The following RBFOX3 variants were observed in gnomAD, a reference collection of about 807,000 sequenced individuals.
The protein encoded by RBFOX3 is RNA binding protein fox-1 homolog 3.
A neutral mutation model predicts 48.7 loss-of-function variants in RBFOX3; 17 were observed. The observed-to-expected ratio is 0.35, with a 90% confidence interval of 0.24 to 0.52. RBFOX3 has a LOEUF of 0.52. RBFOX3 is among the 20% of genes least tolerant of loss of function. RBFOX3 has a pLI of 0.94. For missense variants in RBFOX3, 382 were observed against 497.5 expected, an observed-to-expected ratio of 0.77 and a Z score of 2.21; for synonymous variants, 212 against 209.5, an observed-to-expected ratio of 1.01 and a Z score of -0.10.
chr17:79,353,347 G>C (rs1169912819), intron 2 of RBFOX3, among the ~76,000 whole-genome samples: 2 of 152,102 alleles, frequency 1.3e-5, no homozygotes, highest in African/African-American at 4.8e-5. Flanking sequence ...AATGACTCTG[G>C]CCAGCTCCGT....
chr17:79,469,238 C>T (rs1383517015), intron 2 of RBFOX3, among the ~76,000 whole-genome samples: 1 of 152,154 alleles, frequency 6.6e-6, no homozygotes, highest in Non-Finnish European at 1.5e-5. Flanking sequence ...GCAGAGGAGC[C>T]AAGGACTCAA....
intron 2 of RBFOX3, among the ~76,000 whole-genome samples, chr17:79,395,192 T>C (rs551495985): frequency 1.2e-4 from 18 of 152,192 alleles, no homozygotes; most frequent in Admixed American, 2.0e-4. Flanking sequence ...TTTGTTTCAT[T>C]TGCAGCCACG....
chr17:79,318,878 A>G (rs1489778097), intron 2 of RBFOX3, among the ~76,000 whole-genome samples: 1 of 129,508 alleles, frequency 7.7e-6, no homozygotes, highest in East Asian at 2.1e-4. Flanking sequence ...AAAAAAAAAA[A>G]AAGGGATGGA....
At position 79,211,371 on chromosome 17, in the gene RBFOX3, G is replaced by A. The variant is rs574333698; in HGVS notation, c.-34+24395C>T. 2.8e-3 allele frequency among the ~76,000 whole-genome samples: 433 copies of A among 152,332 alleles called. 2 individuals are homozygous for A. The highest frequency in any genetic ancestry group is 4.9e-3 in the Non-Finnish European group (330 of 68,024). On this transcript the variant is annotated intron_variant, in intron 4 of 14. Coordinates refer to ENST00000693108, the MANE Select transcript of RBFOX3 (RefSeq NM_001350451.2). ...CAGCCTCCGGAACCATGAGCAGGAC[G>A]TTCCAGATCCGAGCTGCTGACAAGC... is the stretch of plus-strand genomic sequence containing the variant.
rs2058726714 is a variant in RBFOX3, at chr17:79,214,241, CACTT to C, written c.-34+21521_-34+21524del. Among the ~76,000 whole-genome samples the C allele has an allele frequency of 6.6e-6, 1 of 152,196 alleles. No individual in the cohort carries two copies. Among genetic ancestry groups the C allele is most frequent in the Non-Finnish European group, 1.5e-5 (1 of 68,040 alleles). ...TCTCCAGCAACGCACGGAGCTATCTCACTTACAACGTGAAAGTGGCTGTGTGTTG... is the reference window on the plus strand; with the variant it reads ...TCTCCAGCAACGCACGGAGCTATCTCACAACGTGAAAGTGGCTGTGTGTTG... On this transcript the variant is annotated intron_variant, in intron 4 of 14. Transcript: ENST00000693108. The surrounding 1 kb of genome is among the most constrained non-coding windows in gnomAD (Gnocchi z 4.7).
intron 4 of RBFOX3, among the ~76,000 whole-genome samples, chr17:79,229,751 T>C (rs1003249444): frequency 1.3e-5 from 2 of 151,994 alleles, no homozygotes; most frequent in African/African-American, 4.8e-5. Context: ...CCAGGGAAAT[T>C]CTCAGTGTGA....
At chr17:79,365,267 A>C (rs1322475327) in intron 2 of RBFOX3, among the ~76,000 whole-genome samples, 2 of 151,982 alleles carry the variant, frequency 1.3e-5, no homozygotes, top group African/African-American at 4.8e-5. Flanking sequence ...CAAAATATCC[A>C]CTCCAGCAGA....
chr17:79,095,597 G>A (rs916077633), intron 12 of RBFOX3, 23 bp from the exon 13 acceptor site: 3 of 1,548,006 alleles, frequency 1.9e-6, no homozygotes, highest in Middle Eastern at 1.7e-4. Flanking sequence ...TGGGAGGAGA[G>A]AGAGCAGAGG....
chr17:79,089,639 G>A lies in RBFOX3; in HGVS notation c.*1244C>T, dbSNP rs1019637816. On this transcript the variant is annotated 3_prime_UTR_variant, in exon 15 of 15. Coordinates refer to ENST00000693108, the MANE Select transcript of RBFOX3 (RefSeq NM_001350451.2). ...TAGCTGATGCTGAATAGAAAGTGAG[G>A]TGTATTTTTAAATTTTTGACACTTC... 6.6e-6 allele frequency: 1 copy of A among 152,540 alleles called. No homozygotes were observed. Among genetic ancestry groups the A allele is most frequent in the African/African-American group, 2.4e-5 (1 of 41,450 alleles). 9.4% of individuals were successfully genotyped at this position (152,540 alleles called of 1,614,324 possible). A position where few individuals can be genotyped will look rare whatever the true frequency, so the allele number is the denominator to read the frequency against.
At chr17:79,581,930 G>A (rs1253907295) in intron 1 of RBFOX3, among the ~76,000 whole-genome samples, 2 of 152,216 alleles carry the variant, frequency 1.3e-5, no homozygotes, top group African/African-American at 4.8e-5. Flanking sequence ...GCCTGTGTGT[G>A]CCTGTGTATG....
In RBFOX3 at chr17:79,360,234, A is replaced by C. The variant is rs1481504394; in HGVS notation, c.-174-52410T>G. The stretch of plus-strand genomic sequence containing the variant: ...AGCCCAGCTTCCCACCCTTACAACG[A>C]TATCGATATCTGAAGCAACCAACAA... On this transcript the variant is annotated intron_variant, in intron 2 of 14. Coordinates refer to ENST00000693108, the MANE Select transcript of RBFOX3 (RefSeq NM_001350451.2). Among the ~76,000 whole-genome samples the C allele has an allele frequency of 2.0e-5, 3 of 152,150 alleles. No homozygotes were observed. The South Asian group carries it at 6.2e-4, about 32-fold the overall frequency.
At chr17:79,405,919 A>G (rs1397646224) in intron 2 of RBFOX3, among the ~76,000 whole-genome samples, 1 of 152,172 alleles carries the variant, frequency 6.6e-6, no homozygotes, top group Non-Finnish European at 1.5e-5. Flanking sequence ...TCCCTGTCCT[A>G]GAACTTTCTG....
At chr17:79,313,590 G>C (rs1490495939) in intron 2 of RBFOX3, among the ~76,000 whole-genome samples, 3 of 152,200 alleles carry the variant, frequency 2.0e-5, no homozygotes, top group Admixed American at 1.3e-4. Flanking sequence ...AGGGGAGCAA[G>C]GGAGAGATGG....
intron 1 of RBFOX3, among the ~76,000 whole-genome samples, chr17:79,586,513 C>A (rs1336914721): frequency 6.6e-6 from 1 of 152,194 alleles, no homozygotes; most frequent in Non-Finnish European, 1.5e-5. Context: ...ATGCGGCAGT[C>A]GCTGACTGGT....
At chr17:79,161,195 G>A (rs2046909089) in intron 4 of RBFOX3, among the ~76,000 whole-genome samples, 1 of 152,164 alleles carries the variant, frequency 6.6e-6, no homozygotes, top group African/African-American at 2.4e-5. Flanking sequence ...GAGGCTCCCT[G>A]GAGGAGGTGG....
At chr17:79,094,556 GGGA>G in intron 13 of RBFOX3, 27 bp from the exon 14 acceptor site, 2 of 650,362 alleles carry the variant, frequency 3.1e-6, no homozygotes, top group South Asian at 2.9e-5. Flanking sequence ...GAGGGGGAGT[GGGA>G]GGAGGGTGGG....
intron 4 of RBFOX3, among the ~76,000 whole-genome samples, chr17:79,146,486 C>T (rs1423399523): frequency 6.6e-6 from 1 of 152,208 alleles, no homozygotes; most frequent in East Asian, 1.9e-4. Context: ...AGTCTTAGCC[C>T]TGTTCTTTCC....
chr17:79,426,754 G>A (rs923467638), intron 2 of RBFOX3, among the ~76,000 whole-genome samples: 2 of 152,120 alleles, frequency 1.3e-5, no homozygotes, highest in Non-Finnish European at 2.9e-5. Flanking sequence ...GCCCAGGCTG[G>A]AGTGCAGTGG....
chr17:79,389,688 G>A (rs920765074), intron 2 of RBFOX3, among the ~76,000 whole-genome samples: 17 of 152,320 alleles, frequency 1.1e-4, no homozygotes, highest in Non-Finnish European at 1.8e-4. Context: ...TGGGACAGAC[G>A]ACATGCCTTT....
Sources: gnomAD v4.1 joint callset for allele counts (sites outside exome capture counted in the v4.1 genomes callset) on GRCh38, gnomAD v4.1.1 for gene constraint, Gnocchi (gnomAD v3.1) non-coding constraint, MANE v1.5 for transcripts, NCBI Gene and HGNC (gene_info 2026-07-23, HGNC 2026-07-21) for gene names.